The following PDE4B variants were observed in gnomAD, a reference collection of about 807,000 sequenced individuals.
PDE4B encodes the protein phosphodiesterase 4B, also known as 3',5'-cyclic-AMP phosphodiesterase 4B.
A neutral mutation model predicts 82.2 loss-of-function variants in PDE4B; 20 were observed. The observed-to-expected ratio is 0.24, with a 90% CI of 0.17 to 0.35. PDE4B has a LOEUF of 0.35. Among genes scored for constraint, PDE4B ranks in the 10% least tolerant of loss-of-function variants. PDE4B has a pLI of 1.00. For missense variants in PDE4B, 655 were observed against 907.2 expected (o/e 0.72, Z 3.57); for synonymous variants, 320 against 318.9 (o/e 1.00, Z -0.04).
chr1:66,339,933 C>T (rs941662457), intron 8 of PDE4B, among the ~76,000 whole-genome samples: 12 of 150,950 alleles, frequency 7.9e-5, no homozygotes, highest in Admixed American at 2.6e-4. Flanking sequence ...AAACCAAGGG[C>T]GATGGTGCTT....
intron 3 of PDE4B, among the ~76,000 whole-genome samples, chr1:66,028,135 C>A (rs1005005891): frequency 2.6e-5 from 4 of 152,212 alleles, no homozygotes; most frequent in Admixed American, 2.0e-4. Context: ...CCTGGGCATG[C>A]GTGCATTTTC....
intron 3 of PDE4B, among the ~76,000 whole-genome samples, chr1:66,165,697 C>A (rs529375370): frequency 6.0e-4 from 91 of 152,080 alleles, no homozygotes; most frequent in Non-Finnish European, 1.0e-3. Context: ...CAGTGCAAGA[C>A]TTTTATGCTG....
At chr1:66,334,481 C>T (rs1660357081) in intron 8 of PDE4B, among the ~76,000 whole-genome samples, 1 of 152,154 alleles carries the variant, frequency 6.6e-6, no homozygotes, top group Admixed American at 6.5e-5. Flanking sequence ...GTGAGGATTC[C>T]AATCCCTCAG....
At chr1:66,071,564 G>C (rs1656157327) in intron 3 of PDE4B, among the ~76,000 whole-genome samples, 1 of 152,064 alleles carries the variant, frequency 6.6e-6, no homozygotes. Context: ...ATACTGATAG[G>C]AACTTAAGTA....
intron 3 of PDE4B, among the ~76,000 whole-genome samples, chr1:66,076,008 CT>C (rs1030330190): frequency 2.0e-5 from 3 of 151,880 alleles, no homozygotes; most frequent in African/African-American, 7.3e-5. Flanking sequence ...CTACTGCTTT[CT>C]TTTTCTTTCT....
chr1:65,823,138 C>T (rs1222063223), intron 1 of PDE4B, among the ~76,000 whole-genome samples: 2 of 151,982 alleles, frequency 1.3e-5, no homozygotes, highest in African/African-American at 4.8e-5. Context: ...TGGCTCGTGC[C>T]TATAGTCCCA....
chr1:66,266,170 A>G, intron 7 of PDE4B, 83 bp downstream of exon 7: 1 of 1,099,150 alleles, frequency 9.1e-7, no homozygotes, highest in South Asian at 1.3e-5. Flanking sequence ...TTTTTAGAAC[A>G]ATAGTGTTGT....
At chr1:66,231,873 C>T (rs921875378) in intron 3 of PDE4B, among the ~76,000 whole-genome samples, 7 of 152,134 alleles carry the variant, frequency 4.6e-5, no homozygotes, top group Admixed American at 3.3e-4. Flanking sequence ...GTTTTATACT[C>T]CATGTGTGGG....
chr1:66,240,394 A>G (rs1417417018), intron 3 of PDE4B, among the ~76,000 whole-genome samples: 1 of 152,208 alleles, frequency 6.6e-6, no homozygotes, highest in African/African-American at 2.4e-5. Flanking sequence ...ATAGGAAGGA[A>G]CTAAAGGACA....
At chr1:66,089,682 C>T (rs2100987533) in intron 3 of PDE4B, among the ~76,000 whole-genome samples, 1 of 152,048 alleles carries the variant, frequency 6.6e-6, no homozygotes, top group East Asian at 1.9e-4. Flanking sequence ...ACTTCTTAAA[C>T]ATTTGTAAAC....
intron 3 of PDE4B, among the ~76,000 whole-genome samples, chr1:66,150,520 C>T (rs1646371030): frequency 6.6e-6 from 1 of 152,088 alleles, no homozygotes; most frequent in Non-Finnish European, 1.5e-5. Flanking sequence ...ACGATAATGC[C>T]TTTTATTTCT....
chr1:65,991,633 A>G (rs1651249947), intron 3 of PDE4B, among the ~76,000 whole-genome samples: 1 of 152,100 alleles, frequency 6.6e-6, no homozygotes, highest in South Asian at 2.1e-4. Flanking sequence ...ACTTCCTCAT[A>G]TGCCTTTTAA....
intron 3 of PDE4B, among the ~76,000 whole-genome samples, chr1:66,126,021 G>A (rs1337236222): frequency 6.6e-6 from 1 of 152,084 alleles, no homozygotes; most frequent in African/African-American, 2.4e-5. Context: ...GGCCAGGCTG[G>A]TCTCGAACTC....
At chr1:65,905,018 C>A (rs1201337074) in intron 1 of PDE4B, among the ~76,000 whole-genome samples, 1 of 152,098 alleles carries the variant, frequency 6.6e-6, no homozygotes, top group Non-Finnish European at 1.5e-5. Flanking sequence ...TTTGGATTAT[C>A]ACACTTTCAG....
At chr1:66,338,454 C>A (rs1428415867) in intron 8 of PDE4B, among the ~76,000 whole-genome samples, 1 of 152,138 alleles carries the variant, frequency 6.6e-6, no homozygotes, top group Admixed American at 6.5e-5. Context: ...CATTAATTGC[C>A]CTAAGCTCAG....
chr1:65,984,193 T>C (rs1291611012), intron 3 of PDE4B, among the ~76,000 whole-genome samples: 5 of 152,214 alleles, frequency 3.3e-5, no homozygotes, highest in African/African-American at 1.2e-4. Context: ...TTAGCTAAAC[T>C]TCAAGGACAT....
At chr1:66,155,499 G>A (rs899759745) in intron 3 of PDE4B, among the ~76,000 whole-genome samples, 3 of 151,942 alleles carry the variant, frequency 2.0e-5, no homozygotes, top group African/African-American at 7.3e-5. Flanking sequence ...TTAATTTTTA[G>A]CAAGGTCAAT....
intron 3 of PDE4B, among the ~76,000 whole-genome samples, chr1:66,210,967 AGAG>A (rs916120254): frequency 1.3e-5 from 2 of 152,154 alleles, no homozygotes; most frequent in African/African-American, 4.8e-5. Context: ...GGGTGGGATA[AGAG>A]TAGTAGAACA....
chr1:66,219,796 T>C (rs1650822632), intron 3 of PDE4B, among the ~76,000 whole-genome samples: 1 of 152,090 alleles, frequency 6.6e-6, no homozygotes, highest in Non-Finnish European at 1.5e-5. Flanking sequence ...AGAGTAGGGA[T>C]GAAAATGAGC....
Sources: gnomAD v4.1 joint callset for allele counts (sites outside exome capture counted in the v4.1 genomes callset) on GRCh38, gnomAD v4.1.1 for gene constraint, MANE v1.5 for transcripts, NCBI Gene and HGNC (gene_info 2026-07-23, HGNC 2026-07-21) for gene names.